The following ADGRL2 variants were observed in gnomAD, a reference collection of about 807,000 sequenced individuals.
ADGRL2 encodes adhesion G protein-coupled receptor L2.
A neutral mutation model predicts 157.4 loss-of-function variants in ADGRL2; 44 were observed. The observed-to-expected ratio is 0.28, with a 90% confidence interval of 0.22 to 0.36. The LOEUF is 0.36. ADGRL2 is among the 10% of genes least tolerant of loss of function. ADGRL2 has a pLI of 1.00. For missense variants in ADGRL2, 1,510 were observed against 1,768.9 expected, an observed-to-expected ratio of 0.85 and a Z score of 2.63; for synonymous variants, 585 against 624.7, an observed-to-expected ratio of 0.94 and a Z score of 0.95.
At chr1:81,529,715 A>G (rs1427187720) in intron 2 of ADGRL2, among the ~76,000 whole-genome samples, 1 of 152,194 alleles carries the variant, frequency 6.6e-6, no homozygotes, top group Non-Finnish European at 1.5e-5. Flanking sequence ...ATTTCTCCTC[A>G]GTTTACTTAC....
intron 2 of ADGRL2, among the ~76,000 whole-genome samples, chr1:81,770,973 A>C (rs1227247032): frequency 6.6e-6 from 1 of 152,118 alleles, no homozygotes; most frequent in Non-Finnish European, 1.5e-5. Context: ...ATTAATTCTC[A>C]AAACTTACGT....
Position 81,622,741 on chromosome 1 carries a change from C to A in ADGRL2, c.-143+41761C>A, listed in dbSNP as rs151066782. ...CCGTACTCCAACCTGGGCAACAGGGCGAGACCCTGTCTCTTAAAAACAACA... is the reference window on the plus strand; with the variant it reads ...CCGTACTCCAACCTGGGCAACAGGGAGAGACCCTGTCTCTTAAAAACAACA... On this transcript the variant is annotated intron_variant, in intron 3 of 24. Transcript: ENST00000370721. Among the ~76,000 whole-genome samples, 8 of 152,188 alleles carry A rather than the reference C, an allele frequency of 5.3e-5. No individual in the cohort carries two copies. In the East Asian group the frequency reaches 1.4e-3, roughly 26 times the overall value.
chr1:81,947,138 C>G (rs192720336), intron 6 of ADGRL2, among the ~76,000 whole-genome samples: 1 of 151,934 alleles, frequency 6.6e-6, no homozygotes, highest in Non-Finnish European at 1.5e-5. Flanking sequence ...ATACGGCATC[C>G]GGATAAATAG....
intron 2 of ADGRL2, chr1:81,502,936 A>G (rs374616723): frequency 1.9e-6 from 3 of 1,612,266 alleles, no homozygotes; most frequent in Non-Finnish European, 1.7e-6. Flanking sequence ...ATCCCCAGCA[A>G]CCACTCTCAG....
In ADGRL2 at chr1:81,753,351, A is replaced by G. The variant is rs562054451; in HGVS notation, c.-142-8460A>G. ...CCAACAGATCTTGAGAGACCCATTCACTATCATGAGAATAGCACGGGAAAT... is the reference window on the plus strand; with the variant it reads ...CCAACAGATCTTGAGAGACCCATTCGCTATCATGAGAATAGCACGGGAAAT... On this transcript the variant is annotated intron_variant, in intron 1 of 20. Coordinates refer to the ADGRL2 transcript ENST00000359929. Among the ~76,000 whole-genome samples the G allele has an allele frequency of 5.9e-5, 9 of 152,296 alleles. No individual in the cohort carries two copies. In the South Asian group the frequency reaches 1.9e-3, roughly 32 times the overall value.
At chr1:81,843,998 G>A (rs971731477) in intron 2 of ADGRL2, among the ~76,000 whole-genome samples, 5 of 152,036 alleles carry the variant, frequency 3.3e-5, no homozygotes, top group East Asian at 1.9e-4. Flanking sequence ...TATTGCAAAC[G>A]TGTATGTCAT....
chr1:81,374,578 G>GAAAAAAAAAAAAAACAAA (rs71242588), intron 1 of ADGRL2, among the ~76,000 whole-genome samples: 7 of 130,252 alleles, frequency 5.4e-5, no homozygotes, highest in Non-Finnish European at 1.1e-4. Context: ...TCTCAAAAAA[G>GAAAAAAAAAAAAAACAAA]AAAAAAAAAA....
At chr1:81,972,384 C>T (rs922066923) in intron 17 of ADGRL2, among the ~76,000 whole-genome samples, 16 of 151,830 alleles carry the variant, frequency 1.1e-4, no homozygotes, top group Admixed American at 3.9e-4. Flanking sequence ...CTTGCATTAA[C>T]GAATGACTAT....
intron 3 of ADGRL2, among the ~76,000 whole-genome samples, chr1:81,622,677 G>C (rs974301022): frequency 4.6e-5 from 7 of 152,132 alleles, no homozygotes; most frequent in Non-Finnish European, 8.8e-5. Flanking sequence ...ATCACTTGAG[G>C]CTGGGAGTTT....
intron 2 of ADGRL2, among the ~76,000 whole-genome samples, chr1:81,551,286 G>T (rs1023409604): frequency 1.3e-5 from 2 of 152,106 alleles, no homozygotes; most frequent in Non-Finnish European, 2.9e-5. Context: ...CTGACACCAG[G>T]TCTTGAGGAA....
intron 1 of ADGRL2, among the ~76,000 whole-genome samples, chr1:81,816,915 A>G (rs887768573): frequency 1.3e-5 from 2 of 148,568 alleles, no homozygotes; most frequent in African/African-American, 5.0e-5. Flanking sequence ...TTCTTCCTTT[A>G]TTTTGTTAAT....
chr1:81,821,434 T>C (rs2090980323), intron 1 of ADGRL2, among the ~76,000 whole-genome samples: 1 of 152,168 alleles, frequency 6.6e-6, no homozygotes, highest in African/African-American at 2.4e-5. Context: ...CACAGGTGGA[T>C]TATGTTTATC....
At chr1:81,547,002 T>C (rs934451595) in intron 2 of ADGRL2, among the ~76,000 whole-genome samples, 3 of 152,188 alleles carry the variant, frequency 2.0e-5, no homozygotes, top group Admixed American at 6.5e-5. Context: ...CATCTCCCCT[T>C]GTTGATCAAG....
chr1:81,391,234 G>A (rs1417379729), intron 1 of ADGRL2, among the ~76,000 whole-genome samples: 7 of 152,302 alleles, frequency 4.6e-5, no homozygotes, highest in African/African-American at 1.7e-4. Context: ...GTTGATATAG[G>A]AGTGACATGT....
chr1:81,810,067 C>T (rs773133678), intron 1 of ADGRL2, among the ~76,000 whole-genome samples: 2 of 151,800 alleles, frequency 1.3e-5, no homozygotes, highest in Non-Finnish European at 2.9e-5. Context: ...GTTAGGTGAC[C>T]TTGTTTTGAC....
At chr1:81,634,217 C>T (rs1156446898) in intron 3 of ADGRL2, among the ~76,000 whole-genome samples, 3 of 152,140 alleles carry the variant, frequency 2.0e-5, no homozygotes, top group Non-Finnish European at 2.9e-5. Flanking sequence ...TATTAACCAC[C>T]GAACCCAATT....
intron 3 of ADGRL2, among the ~76,000 whole-genome samples, chr1:81,606,633 G>C (rs967278473): frequency 1.3e-5 from 2 of 152,032 alleles, no homozygotes; most frequent in African/African-American, 4.8e-5. Context: ...TTCCCTTTCT[G>C]CCTGTGTCTT....
Position 81,985,255 on chromosome 1 carries a change from A to G in ADGRL2, c.3412-4A>G. The G allele has an allele frequency of 6.5e-7, 1 of 1,530,342 alleles. No individual in the cohort carries two copies. The highest frequency in any genetic ancestry group is 2.3e-5 in the East Asian group (1 of 44,110). The allele number at this position is 1,530,342 out of a possible 1,614,324, so 94.8% of individuals were successfully genotyped here. ...ATATTTGTCTTGCTGTTTTGTATTA[A>G]TAGAGTCGTATAAGAAGAATGTGGA... On this transcript the variant is annotated splice_polypyrimidine_tract_variant and splice_region_variant and intron_variant, in intron 20 of 23. Coordinates refer to ENST00000686636, the MANE Select transcript of ADGRL2 (RefSeq NM_001366006.2).
rs987265896 is a variant in ADGRL2, at chr1:81,461,938, G to A, written c.-248+16849G>A. On this transcript the variant is annotated intron_variant, in intron 2 of 24. Coordinates refer to the ADGRL2 transcript ENST00000370721. ...AAGGAAGAAAAGAAGAAAGGGGGGG[G>A]GGGGTGGTGGAGAAAGAGAGAGACA... is the stretch of plus-strand genomic sequence containing the variant. Among the ~76,000 whole-genome samples the A allele has an allele frequency of 1.4e-5, 2 of 146,376 alleles. 1 individual carries two copies. The highest frequency in any genetic ancestry group is 3.0e-5 in the Non-Finnish European group (2 of 65,686).
Sources: gnomAD v4.1 joint callset for allele counts (sites outside exome capture counted in the v4.1 genomes callset) on GRCh38, gnomAD v4.1.1 for gene constraint, MANE v1.5 for transcripts, NCBI Gene and HGNC (gene_info 2026-07-23, HGNC 2026-07-21) for gene names.